The following DAAM1 variants were observed in gnomAD, a reference collection of about 807,000 sequenced individuals.
DAAM1 encodes disheveled-associated activator of morphogenesis 1.
Under a neutral mutation model 130.0 loss-of-function variants are expected in DAAM1, and 52 were observed. That is an observed-to-expected ratio of 0.40 (90% CI 0.32 to 0.50). The LOEUF (loss-of-function observed/expected upper bound fraction) is 0.50, where lower values mean the gene tolerates loss of function less well. DAAM1 is among the 20% of genes least tolerant of loss of function. DAAM1 has a pLI of 0.61. For synonymous variants in DAAM1, 452 were observed against 444.5 expected (o/e 1.02, Z -0.21); for missense variants, 1,134 against 1,303.8 (o/e 0.87, Z 2.01).
At chr14:59,352,657 T>G (rs932196086) in intron 18 of DAAM1, 25 bp downstream of exon 18, 2 of 1,576,488 alleles carry the variant, frequency 1.3e-6, no homozygotes, top group Admixed American at 3.4e-5. Flanking sequence ...GCTGGGAATG[T>G]GAAGATGTCA....
intron 16 of DAAM1, 67 bp from the exon 17 acceptor site, chr14:59,347,472 A>T (rs894593075): frequency 2.7e-6 from 4 of 1,454,634 alleles, no homozygotes; most frequent in Non-Finnish European, 3.8e-6. Flanking sequence ...CTGGGGTAGC[A>T]AAGTGAATTA....
chr14:59,202,687 G>A (rs1888143777), intron 1 of DAAM1, among the ~76,000 whole-genome samples: 1 of 152,170 alleles, frequency 6.6e-6, no homozygotes, highest in Non-Finnish European at 1.5e-5. Flanking sequence ...TGTGCAATAG[G>A]TGAAGAGTTT....
intron 1 of DAAM1, among the ~76,000 whole-genome samples, chr14:59,245,885 G>A (rs1473407912): frequency 6.6e-6 from 1 of 152,184 alleles, no homozygotes; most frequent in Non-Finnish European, 1.5e-5. Context: ...AGAAATGAAA[G>A]CATTCTATAA....
rs1017000514 is a variant in DAAM1, at chr14:59,369,183, A to C, written c.*324A>C. 2 of 196,176 alleles carry C rather than the reference A, an allele frequency of 1.0e-5. No individual in the cohort carries two copies. The highest frequency in any genetic ancestry group is 2.6e-4 in the South Asian group (2 of 7,652). 12.2% of individuals were successfully genotyped at this position (196,176 alleles called of 1,614,324 possible). ...CATGACTGTTCAGAAGCACAATACT[A>C]TCTCCTGAAAGAGATAAGAGACATT... is the stretch of plus-strand genomic sequence containing the variant. On this transcript the variant is annotated 3_prime_UTR_variant, in exon 25 of 25. Coordinates refer to ENST00000360909, the MANE Select transcript of DAAM1 (RefSeq NM_001270520.2).
Position 59,322,981 on chromosome 14 carries a change from T to C in DAAM1, c.530T>C (p.Ile177Thr), listed in dbSNP as rs751860849. The C allele has an allele frequency of 2.7e-5, 44 of 1,614,046 alleles. No homozygotes were observed. Among genetic ancestry groups the C allele is most frequent in the Non-Finnish European group, 3.6e-5 (42 of 1,180,016 alleles). ...TMDYETSESR[I>T]HTSLIGCIKA... ...GACTACGAGACCTCAGAGTCTCGAA[T>C]ACATACTTCTCTCATTGGCTGTATA... The change falls in exon 6 of 25, where the codon ATA becomes ACA. Residue 177 changes from isoleucine to threonine, a missense_variant. Around this residue, in one of 3 missense-constraint regions of DAAM1, gnomAD observed 391 missense variants for 521.6 expected, o/e 0.75. Coordinates refer to ENST00000360909, the MANE Select transcript of DAAM1 (RefSeq NM_001270520.2).
chr14:59,301,705 G>A (rs144494998), intron 3 of DAAM1, among the ~76,000 whole-genome samples: 2 of 152,184 alleles, frequency 1.3e-5, no homozygotes, highest in African/African-American at 4.8e-5. Context: ...ACTTTATCTC[G>A]AGCATTTCTT....
At chr14:59,209,838 C>A (rs1888373761) in intron 1 of DAAM1, among the ~76,000 whole-genome samples, 1 of 152,054 alleles carries the variant, frequency 6.6e-6, no homozygotes, top group Non-Finnish European at 1.5e-5. Context: ...TTGCAGGGGC[C>A]AGGCACAGTG....
chr14:59,300,291 A>C (rs1245718881), intron 3 of DAAM1, among the ~76,000 whole-genome samples: 1 of 152,220 alleles, frequency 6.6e-6, no homozygotes, highest in Non-Finnish European at 1.5e-5. Context: ...AATTTGCTCA[A>C]AGTTGCAGCA....
intron 1 of DAAM1, among the ~76,000 whole-genome samples, chr14:59,262,935 A>G (rs555214016): frequency 7.7e-4 from 117 of 152,304 alleles, no homozygotes; most frequent in Non-Finnish European, 1.2e-3. Context: ...AGGAAGACAC[A>G]CTCATAAAGA....
At chr14:59,263,396 T>C in intron 1 of DAAM1, 45 bp from the exon 2 acceptor site, 2 of 1,541,750 alleles carry the variant, frequency 1.3e-6, no homozygotes, top group Non-Finnish European at 1.8e-6. Flanking sequence ...AAAATCATTT[T>C]ATCTGTTCCT....
intron 16 of DAAM1, among the ~76,000 whole-genome samples, chr14:59,340,461 G>A (rs537276943): frequency 1.3e-5 from 2 of 152,102 alleles, no homozygotes; most frequent in African/African-American, 2.4e-5. Flanking sequence ...CTGTAACATC[G>A]ACTTGACTTT....
chr14:59,269,196 G>A (rs532669905), intron 2 of DAAM1, among the ~76,000 whole-genome samples: 2 of 152,350 alleles, frequency 1.3e-5, no homozygotes, highest in Admixed American at 1.3e-4. Context: ...TCTTATCAAA[G>A]TGATCAAGTG....
At chr14:59,230,093 A>G (rs10162537) in intron 1 of DAAM1, among the ~76,000 whole-genome samples, 153 of 152,312 alleles carry the variant, frequency 1.0e-3, no homozygotes, top group African/African-American at 3.3e-3. Context: ...TAGTTGAGAC[A>G]AACCACACAA....
At chr14:59,312,299 G>A (rs949807436) in intron 3 of DAAM1, among the ~76,000 whole-genome samples, 6 of 152,148 alleles carry the variant, frequency 3.9e-5, no homozygotes, top group African/African-American at 1.2e-4. Context: ...TTTATTGAGC[G>A]TGTTTTGTGT....
At chr14:59,348,688 G>C (rs138125049) in intron 17 of DAAM1, among the ~76,000 whole-genome samples, 1 of 152,214 alleles carries the variant, frequency 6.6e-6, no homozygotes, top group African/African-American at 2.4e-5. Flanking sequence ...AGGGTATTTT[G>C]TGTTGTTAAC....
intron 22 of DAAM1, chr14:59,362,636 C>CAAAAAAA: frequency 1.5e-5 from 2 of 129,938 alleles, no homozygotes; most frequent in Non-Finnish European, 3.4e-5. Context: ...TGCCCTCTTA[C>CAAAAAAA]AAAAAAAAAA....
At chr14:59,276,375 CAT>C (rs1206116272) in intron 2 of DAAM1, among the ~76,000 whole-genome samples, 4 of 152,186 alleles carry the variant, frequency 2.6e-5, no homozygotes, top group Non-Finnish European at 5.9e-5. Flanking sequence ...ATCACCATGT[CAT>C]GTGTCTTTAG....
intron 2 of DAAM1, among the ~76,000 whole-genome samples, chr14:59,282,465 G>A (rs1883266371): frequency 6.6e-6 from 1 of 152,150 alleles, no homozygotes; most frequent in East Asian, 1.9e-4. Context: ...GGTTACGTAA[G>A]CCATAAAGCC....
At chr14:59,222,724 T>C (rs1226921354) in intron 1 of DAAM1, among the ~76,000 whole-genome samples, 1 of 152,240 alleles carries the variant, frequency 6.6e-6, no homozygotes, top group Non-Finnish European at 1.5e-5. Context: ...AGCATTCACA[T>C]AGGAAACTAA....
Sources: allele counts gnomAD v4.1 joint callset (sites outside exome capture counted in the v4.1 genomes callset), GRCh38; gene constraint gnomAD v4.1.1; regional missense constraint gnomAD v4.1.1; transcripts MANE v1.5; gene names NCBI Gene and HGNC (gene_info 2026-07-23, HGNC 2026-07-21).